FHIT: variants seen among roughly 807,000 people sequenced by gnomAD.
FHIT encodes bis(5'-adenosyl)-triphosphatase.
In FHIT, 19 loss-of-function variants were observed where a neutral mutation model predicts 17.9. The ratio of observed to expected loss-of-function variants is 1.06; its 90% CI spans 0.74 to 1.56. The LOEUF (loss-of-function observed/expected upper bound fraction) is 1.56. FHIT is among the 40% of genes most tolerant of loss of function. The probability of loss-of-function intolerance (pLI) is 0.00; values close to 1 mark genes in which losing one functional copy is unlikely to be tolerated. For missense variants in FHIT, 248 were observed against 189.2 expected (o/e 1.31, Z -1.82); for synonymous variants, 81 against 69.7 (o/e 1.16, Z -0.81).
intron 6 of FHIT, among the ~76,000 whole-genome samples, chr3:60,012,857 T>C (rs543885572): frequency 6.6e-6 from 1 of 152,334 alleles, no homozygotes; most frequent in East Asian, 1.9e-4. Context: ...TAACCAGCAA[T>C]GGCCATTTCC....
At chr3:60,223,902 G>GT (rs1704072149) in intron 5 of FHIT, among the ~76,000 whole-genome samples, 1 of 152,120 alleles carries the variant, frequency 6.6e-6, no homozygotes, top group South Asian at 2.1e-4. Flanking sequence ...GCGGAGTCAA[G>GT]TTAATTCTGT....
At chr3:60,872,322 T>A (rs1417116141) in intron 3 of FHIT, among the ~76,000 whole-genome samples, 1 of 152,180 alleles carries the variant, frequency 6.6e-6, no homozygotes, top group Non-Finnish European at 1.5e-5. Context: ...TAACATAAGT[T>A]GTCCAGCTCA....
At chr3:61,084,948 T>C (rs1022995357) in intron 2 of FHIT, among the ~76,000 whole-genome samples, 1 of 152,220 alleles carries the variant, frequency 6.6e-6, no homozygotes, top group Non-Finnish European at 1.5e-5. Context: ...CATAATACTT[T>C]TGAAGCATAT....
intron 3 of FHIT, among the ~76,000 whole-genome samples, chr3:60,993,458 C>G (rs976833768): frequency 6.6e-6 from 1 of 152,120 alleles, no homozygotes; most frequent in African/African-American, 2.4e-5. Context: ...AATGTTATAC[C>G]CTCCTTCTTT....
intron 5 of FHIT, among the ~76,000 whole-genome samples, chr3:60,250,852 A>G (rs1445528037): frequency 6.6e-6 from 1 of 152,194 alleles, no homozygotes; most frequent in Non-Finnish European, 1.5e-5. Flanking sequence ...TGATGTGTAC[A>G]GCAATCTCTA....
intron 4 of FHIT, among the ~76,000 whole-genome samples, chr3:60,624,793 G>A (rs1553680240): frequency 6.6e-6 from 1 of 151,856 alleles, no homozygotes; most frequent in East Asian, 1.9e-4. Context: ...GTTGTAACAT[G>A]TATCAGTACT....
intron 3 of FHIT, among the ~76,000 whole-genome samples, chr3:60,869,141 A>G (rs1704289351): frequency 6.6e-6 from 1 of 152,152 alleles, no homozygotes; most frequent in African/African-American, 2.4e-5. Context: ...TACCCCTAAC[A>G]CACTTAAATT....
intron 5 of FHIT, among the ~76,000 whole-genome samples, chr3:60,292,780 G>C (rs7615052): frequency 0.51 from 77,035 of 151,912 alleles, 20,330 homozygotes; most frequent in East Asian, 0.95. Flanking sequence ...AAAAAAGTGT[G>C]CAACTCTTTT....
chr3:60,146,394 T>G (rs1398082202), intron 5 of FHIT, among the ~76,000 whole-genome samples: 1 of 152,034 alleles, frequency 6.6e-6, no homozygotes, highest in Non-Finnish European at 1.5e-5. Context: ...AGCATGATAC[T>G]AGATCCAGCT....
chr3:60,327,296 C>G (rs949547976), intron 5 of FHIT, among the ~76,000 whole-genome samples: 1 of 152,178 alleles, frequency 6.6e-6, no homozygotes, highest in African/African-American at 2.4e-5. Flanking sequence ...ACCTTATTTA[C>G]CAATATATTC....
chr3:60,431,888 T>A (rs1702921016), intron 5 of FHIT, among the ~76,000 whole-genome samples: 1 of 152,022 alleles, frequency 6.6e-6, no homozygotes, highest in East Asian at 1.9e-4. Context: ...TCCTGCATAG[T>A]TTTATTAGAG....
intron 5 of FHIT, among the ~76,000 whole-genome samples, chr3:60,287,525 T>C (rs1237298743): frequency 6.6e-6 from 1 of 152,198 alleles, no homozygotes; most frequent in East Asian, 1.9e-4. Context: ...ATATGACAGT[T>C]TATTAGTATT....
At chr3:60,443,089 T>C (rs2031037395) in intron 5 of FHIT, among the ~76,000 whole-genome samples, 1 of 152,108 alleles carries the variant, frequency 6.6e-6, no homozygotes, top group South Asian at 2.1e-4. Context: ...GTTACTGGTG[T>C]ATAAGAATGC....
At chr3:59,882,781 C>T (rs1272758511) in intron 8 of FHIT, among the ~76,000 whole-genome samples, 1 of 152,184 alleles carries the variant, frequency 6.6e-6, no homozygotes, top group Non-Finnish European at 1.5e-5. Context: ...TCCTGCTTTC[C>T]TATATCAGCC....
rs543109664 is a variant in FHIT at position 60,141,835 on chromosome 3, T to A, written c.104-127683A>T. Among the ~76,000 whole-genome samples, 74 of 152,310 alleles carry A rather than the reference T, an allele frequency of 4.9e-4. 1 individual carries two copies. Among genetic ancestry groups the A allele is most frequent in the South Asian group, 4.1e-4 (2 of 4,828 alleles). ...TGTTCATCATAAATACAAGGACAGTTGCGCTAAACATATCTGTACTGGTAA... is the reference window on the plus strand; with the variant it reads ...TGTTCATCATAAATACAAGGACAGTAGCGCTAAACATATCTGTACTGGTAA... On this transcript the variant is annotated intron_variant, in intron 5 of 9. Coordinates refer to ENST00000492590, the MANE Select transcript of FHIT (RefSeq NM_002012.4).
chr3:60,008,833 G>C (rs1251681892), intron 7 of FHIT, among the ~76,000 whole-genome samples: 1 of 152,196 alleles, frequency 6.6e-6, no homozygotes, highest in Non-Finnish European at 1.5e-5. Flanking sequence ...TAGAGGGGCT[G>C]GCTACTGCAA....
At chr3:60,906,312 C>G (rs1553764542) in intron 3 of FHIT, among the ~76,000 whole-genome samples, 1 of 152,120 alleles carries the variant, frequency 6.6e-6, no homozygotes, top group Non-Finnish European at 1.5e-5. Flanking sequence ...AAAGGAGATA[C>G]AAATATGAAA....
intron 5 of FHIT, among the ~76,000 whole-genome samples, chr3:60,152,506 A>G (rs1700511499): frequency 6.6e-6 from 1 of 152,218 alleles, no homozygotes; most frequent in Non-Finnish European, 1.5e-5. Context: ...ATGTGTGTGT[A>G]TATTTCTGCC....
In FHIT at chr3:60,111,841, G is replaced by A. The variant is rs539289886; in HGVS notation, c.104-97689C>T. On this transcript the variant is annotated intron_variant, in intron 5 of 9. Transcript: ENST00000492590. ...AGACTTGCACAGCCAAGGCCTCCCA[G>A]GCATCTCCCCATTGACATCTAAGAG... 3.9e-5 allele frequency among the ~76,000 whole-genome samples: 6 copies of A among 152,232 alleles called. No homozygotes were observed. In the East Asian group the frequency reaches 5.8e-4, roughly 15 times the overall value.
Sources: gnomAD v4.1 joint callset for allele counts (sites outside exome capture counted in the v4.1 genomes callset) on GRCh38, gnomAD v4.1.1 for gene constraint, MANE v1.5 for transcripts, NCBI Gene and HGNC (gene_info 2026-07-23, HGNC 2026-07-21) for gene names.